Variants in DTD1 observed in about 807,000 individuals in gnomAD.
DTD1 encodes the protein D-tyrosyl-tRNA deacylase 1 homolog.
Under a neutral mutation model 25.6 loss-of-function variants are expected in DTD1, and 13 were observed. That is an observed-to-expected ratio of 0.51 (90% CI 0.33 to 0.81). The LOEUF is 0.81. DTD1 is among the 30% of genes least tolerant of loss of function. The pLI is 0.02. For missense variants in DTD1, 193 were observed against 266.4 expected, an observed-to-expected ratio of 0.72 and a Z score of 1.92; for synonymous variants, 110 against 103.6, an observed-to-expected ratio of 1.06 and a Z score of -0.37.
At chr20:18,628,039 C>A in intron 3 of DTD1, 88 bp from the exon 4 acceptor site, 3 of 1,038,612 alleles carry the variant, frequency 2.9e-6, no homozygotes, top group South Asian at 1.4e-5. Flanking sequence ...TCTTTATTAG[C>A]AGTGTGAAAA....
At chr20:18,673,997 A>G (rs571932693) in intron 4 of DTD1, among the ~76,000 whole-genome samples, 12 of 152,276 alleles carry the variant, frequency 7.9e-5, no homozygotes, top group African/African-American at 2.9e-4. Flanking sequence ...CTTTTCTTAA[A>G]TGACCAAACC....
At chr20:18,727,704 G>A (rs1333363554) in intron 4 of DTD1, among the ~76,000 whole-genome samples, 1 of 152,164 alleles carries the variant, frequency 6.6e-6, no homozygotes, top group Non-Finnish European at 1.5e-5. Context: ...GCCCTGAGCT[G>A]TAGATTTCTC....
At chr20:18,643,329 C>T in intron 4 of DTD1, 1 of 270,510 alleles carries the variant, frequency 3.7e-6, no homozygotes, top group Non-Finnish European at 7.7e-6. Flanking sequence ...TAGTACGACA[C>T]CGTCTGGCTT....
chr20:18,638,915 G>GCC (rs2060818599), intron 4 of DTD1, among the ~76,000 whole-genome samples: 1 of 152,124 alleles, frequency 6.6e-6, no homozygotes, highest in Admixed American at 6.5e-5. Flanking sequence ...GAGCTTTTCT[G>GCC]TCAGTGACTC....
At chr20:18,752,067 A>G (rs1051555558) in intron 5 of DTD1, among the ~76,000 whole-genome samples, 1 of 152,012 alleles carries the variant, frequency 6.6e-6, no homozygotes, top group Non-Finnish European at 1.5e-5. Flanking sequence ...TTATTGCTCT[A>G]TAGGTAAGGT....
intron 3 of DTD1, among the ~76,000 whole-genome samples, chr20:18,613,678 A>G (rs914338948): frequency 6.6e-6 from 1 of 152,170 alleles, no homozygotes; most frequent in Non-Finnish European, 1.5e-5. Flanking sequence ...GTGTCATCAG[A>G]ACCTTCTGAG....
chr20:18,718,922 CCTT>C (rs1450801324), intron 4 of DTD1, among the ~76,000 whole-genome samples: 4 of 152,218 alleles, frequency 2.6e-5, no homozygotes, highest in Admixed American at 6.5e-5. Flanking sequence ...ACTTGCCACA[CCTT>C]CTGCCCTGAG....
intron 4 of DTD1, among the ~76,000 whole-genome samples, chr20:18,712,385 T>G: frequency 8.4e-6 from 1 of 118,542 alleles, no homozygotes; most frequent in African/African-American, 3.2e-5. Flanking sequence ...GTACTGTGTG[T>G]GTGTTGTGGG....
chr20:18,661,138 A>G (rs1289328777), intron 4 of DTD1, among the ~76,000 whole-genome samples: 3 of 152,062 alleles, frequency 2.0e-5, no homozygotes, highest in Non-Finnish European at 4.4e-5. Flanking sequence ...CTCTATCTTG[A>G]TCACTGTAGC....
At chr20:18,601,089 T>C (rs184196723) in intron 3 of DTD1, among the ~76,000 whole-genome samples, 1 of 152,110 alleles carries the variant, frequency 6.6e-6, no homozygotes, top group East Asian at 1.9e-4. Flanking sequence ...TTGGAAAGAG[T>C]GGTGAGTGGG....
intron 4 of DTD1, among the ~76,000 whole-genome samples, chr20:18,633,815 C>G (rs1282487479): frequency 6.6e-6 from 1 of 152,196 alleles, no homozygotes; most frequent in Non-Finnish European, 1.5e-5. Flanking sequence ...GAAGACTGAG[C>G]TGGTAAAGGT....
At chr20:18,632,363 A>C (rs1442606585) in intron 4 of DTD1, 1 of 985,308 alleles carries the variant, frequency 1.0e-6, no homozygotes, top group Non-Finnish European at 1.2e-6. Flanking sequence ...TGAACATTGC[A>C]CTGCGCTCTG....
At chr20:18,746,462 T>C (rs1044940823) in intron 5 of DTD1, among the ~76,000 whole-genome samples, 3 of 151,640 alleles carry the variant, frequency 2.0e-5, no homozygotes, top group Admixed American at 2.0e-4. Context: ...CTTTGGGAGG[T>C]TGAAGTGAGA....
chr20:18,590,547 T>A (rs1173216440), intron 1 of DTD1, among the ~76,000 whole-genome samples: 2 of 152,368 alleles, frequency 1.3e-5, no homozygotes, highest in Middle Eastern at 3.4e-3. Flanking sequence ...CTCTGATCAC[T>A]GCAGCCTCTG....
intron 4 of DTD1, among the ~76,000 whole-genome samples, chr20:18,659,775 G>A (rs957730982): frequency 1.3e-5 from 2 of 152,016 alleles, no homozygotes; most frequent in Non-Finnish European, 2.9e-5. Context: ...AAAAGGGAGG[G>A]AGAGCATTAG....
chr20:18,708,297 A>ATATATATTATATATATATTAT, intron 4 of DTD1, among the ~76,000 whole-genome samples: 1 of 38,650 alleles, frequency 2.6e-5, no homozygotes, highest in Non-Finnish European at 4.8e-5. Flanking sequence ...ATATATATAT[A>ATATATATTATATATATATTAT]ATATATATAT....
intron 4 of DTD1, among the ~76,000 whole-genome samples, chr20:18,671,765 C>G (rs1432810152): frequency 2.0e-5 from 3 of 152,110 alleles, no homozygotes; most frequent in Admixed American, 2.0e-4. Flanking sequence ...CCCCCTTGGT[C>G]CTCACCAGAC....
intron 4 of DTD1, among the ~76,000 whole-genome samples, chr20:18,660,343 C>T (rs1282012886): frequency 6.6e-6 from 1 of 152,198 alleles, no homozygotes; most frequent in Admixed American, 6.5e-5. Context: ...TCCTAGCCTC[C>T]TGAGTAGCTG....
At chr20:18,682,684 C>T (rs1309436511) in intron 4 of DTD1, among the ~76,000 whole-genome samples, 1 of 152,326 alleles carries the variant, frequency 6.6e-6, no homozygotes, top group East Asian at 1.9e-4. Flanking sequence ...CTCATCTCTA[C>T]CTTGCCATAG....
Sources: gnomAD v4.1 joint callset for allele counts (sites outside exome capture counted in the v4.1 genomes callset) on GRCh38, gnomAD v4.1.1 for gene constraint, MANE v1.5 for transcripts, NCBI Gene and HGNC (gene_info 2026-07-23, HGNC 2026-07-21) for gene names.